The following YTHDF1 variants were observed in gnomAD, a reference collection of about 807,000 sequenced individuals.
The protein encoded by YTHDF1 is YTH domain-containing family protein 1.
In YTHDF1, 16 loss-of-function variants were observed where a neutral mutation model predicts 49.1. That is an observed-to-expected ratio of 0.33 (90% confidence interval 0.22 to 0.49). The LOEUF (loss-of-function observed/expected upper bound fraction) is 0.49. Ranked by LOEUF, YTHDF1 falls within the 20% of genes least tolerant of loss-of-function variation. The pLI is 0.99. For synonymous variants in YTHDF1, 313 were observed against 290.1 expected (o/e 1.08, Z -0.80); for missense variants, 621 against 744.3 (o/e 0.83, Z 1.93).
At chr20:63,214,547 A>T (rs2066591923) in intron 2 of YTHDF1, among the ~76,000 whole-genome samples, 1 of 152,204 alleles carries the variant, frequency 6.6e-6, no homozygotes, top group South Asian at 2.1e-4. Flanking sequence ...TATACATTTT[A>T]GGGAGACATG....
rs992455360 is a variant in YTHDF1 at position 63,203,906 on chromosome 20, A to T, written c.133-99T>A. ...TAAGCACAGGTGGAGCAAAAACAAA[A>T]CCTGCACAGCATGGGGCTACTCCTT... On this transcript the variant is annotated intron_variant, in intron 3 of 4. Transcript: ENST00000370339. The surrounding 1 kb of genome is among the most constrained non-coding windows in gnomAD (Gnocchi z 4.4). 39 of 1,137,544 alleles carry T rather than the reference A, an allele frequency of 3.4e-5. No homozygotes were observed. Among genetic ancestry groups the T allele is most frequent in the Non-Finnish European group, 4.7e-5 (38 of 814,570 alleles). The allele number at this position is 1,137,544 out of a possible 1,614,324, so 70.5% of individuals were successfully genotyped here.
At position 63,195,670 on chromosome 20, in the gene YTHDF1, G is replaced by A. The variant is rs1426232045; in HGVS notation, c.*1038C>T. On this transcript the variant is annotated 3_prime_UTR_variant, in exon 5 of 5. Coordinates refer to ENST00000370339, the MANE Select transcript of YTHDF1 (RefSeq NM_017798.4). ...GGCACGTGCAGATCCAGGCGCTGGA[G>A]CGTCAGGCATGGGCACCATTTTCAT... is the stretch of plus-strand genomic sequence containing the variant. 6.6e-6 allele frequency: 1 copy of A among 152,546 alleles called. No individual in the cohort carries two copies. The highest frequency in any genetic ancestry group is 2.4e-5 in the African/African-American group (1 of 41,440). The allele number at this position is 152,546 out of a possible 1,614,324, so 9.4% of individuals were successfully genotyped here. A position where few individuals can be genotyped will look rare whatever the true frequency, so the allele number is the denominator to read the frequency against.
intron 3 of YTHDF1, among the ~76,000 whole-genome samples, chr20:63,207,820 T>C (rs114669586): frequency 0.017 from 2,539 of 152,006 alleles, 78 homozygotes; most frequent in African/African-American, 0.058. Flanking sequence ...GTCTGATCAA[T>C]ATGGTTAAAC....
chr20:63,215,640 C>G, intron 1 of YTHDF1, 39 bp from the exon 2 acceptor site: 4 of 1,587,678 alleles, frequency 2.5e-6, no homozygotes, highest in Non-Finnish European at 2.6e-6. Context: ...TACACACAAC[C>G]CGGGGGAAGA....
intron 4 of YTHDF1, among the ~76,000 whole-genome samples, chr20:63,200,793 G>A (rs925851932): frequency 2.0e-5 from 3 of 152,028 alleles, no homozygotes; most frequent in Non-Finnish European, 4.4e-5. Flanking sequence ...AACTGTGCGC[G>A]CACACACACA....
In YTHDF1 at chr20:63,196,622, G is replaced by T. The variant is rs2066493572; in HGVS notation, c.*86C>A. On this transcript the variant is annotated 3_prime_UTR_variant, in exon 5 of 5. Coordinates refer to ENST00000370339, the MANE Select transcript of YTHDF1 (RefSeq NM_017798.4). Reference sequence around the variant, plus strand: ...GATGCAACACTCAACCCCCGCACGGGACGACACACTGGAGCTGACCAAGCA... The same window carrying T: ...GATGCAACACTCAACCCCCGCACGGTACGACACACTGGAGCTGACCAAGCA... 6.5e-7 allele frequency: 1 copy of T among 1,541,608 alleles called. No homozygotes were observed. The highest frequency in any genetic ancestry group is 8.9e-7 in the Non-Finnish European group (1 of 1,122,018).
At position 63,215,937 on chromosome 20, in the gene YTHDF1, G is replaced by C. The variant is rs554284238; in HGVS notation, c.-45C>G. ...GCGGGGCCGGGGCGCCCGCCGGCTC[G>C]GGCCTCCCCTAGAGGCCGGGCCTGT... On this transcript the variant is annotated 5_prime_UTR_variant, in exon 1 of 5. Coordinates refer to ENST00000370339, the MANE Select transcript of YTHDF1 (RefSeq NM_017798.4). 7.4e-7 allele frequency: 1 copy of C among 1,346,954 alleles called. No homozygotes were observed. Among genetic ancestry groups the C allele is most frequent in the Non-Finnish European group, 9.6e-7 (1 of 1,044,744 alleles). The allele number at this position is 1,346,954 out of a possible 1,614,324, so 83.4% of individuals were successfully genotyped here.
Position 63,196,579 on chromosome 20 carries a change from A to G in YTHDF1, c.*129T>C. 9.1e-7 allele frequency: 1 copy of G among 1,095,846 alleles called. No homozygotes were observed. Among genetic ancestry groups the G allele is most frequent in the South Asian group, 1.5e-5 (1 of 66,636 alleles). The allele number at this position is 1,095,846 out of a possible 1,614,324, so 67.9% of individuals were successfully genotyped here. On this transcript the variant is annotated 3_prime_UTR_variant, in exon 5 of 5. Coordinates refer to ENST00000370339, the MANE Select transcript of YTHDF1 (RefSeq NM_017798.4). Reference sequence around the variant, plus strand: ...ATGCAGATCCATCTGGGCAAAAATCAACGACAAGAAAGGCAAAGATGCAAC... The same window carrying G: ...ATGCAGATCCATCTGGGCAAAAATCGACGACAAGAAAGGCAAAGATGCAAC...
chr20:63,211,347 C>A lies in YTHDF1; in HGVS notation c.132+2517G>T, dbSNP rs530046614. 7.2e-5 allele frequency among the ~76,000 whole-genome samples: 11 copies of A among 152,180 alleles called. No homozygotes were observed. The South Asian group carries it at 2.3e-3, about 32-fold the overall frequency. On this transcript the variant is annotated intron_variant, in intron 3 of 4. Coordinates refer to ENST00000370339, the MANE Select transcript of YTHDF1 (RefSeq NM_017798.4). ...GGGCGTGGTGGCACATGCCTGTAGT[C>A]CTAGCTACTTGGGAGGTTGAGGTGG...
intron 4 of YTHDF1, among the ~76,000 whole-genome samples, chr20:63,201,302 G>C (rs1191024906): frequency 6.6e-6 from 1 of 152,030 alleles, no homozygotes; most frequent in Non-Finnish European, 1.5e-5. Flanking sequence ...GGTGCTCACA[G>C]GTGAATAATT....
chr20:63,215,717 G>A, intron 1 of YTHDF1, 116 bp from the exon 2 acceptor site: 1 of 1,399,710 alleles, frequency 7.1e-7, no homozygotes, highest in Non-Finnish European at 9.3e-7. Context: ...CGGCCCCGAC[G>A]CGCGGTCACG....
At position 63,206,492 on chromosome 20, in the gene YTHDF1, C is replaced by T. The variant is rs369775891; in HGVS notation, c.133-2685G>A. 3.9e-5 allele frequency among the ~76,000 whole-genome samples: 6 copies of T among 152,370 alleles called. 1 individual carries two copies. Among genetic ancestry groups the T allele is most frequent in the Admixed American group, 2.6e-4 (4 of 15,302 alleles). On this transcript the variant is annotated intron_variant, in intron 3 of 4. Transcript: ENST00000370339. ...AGCCCATAAATGACCCATCCAGCTTCCCTCTACCCAAGGTGCAGGGCCTGC... is the reference window on the plus strand; with the variant it reads ...AGCCCATAAATGACCCATCCAGCTTTCCTCTACCCAAGGTGCAGGGCCTGC...
intron 3 of YTHDF1, among the ~76,000 whole-genome samples, chr20:63,205,067 G>T (rs2066539388): frequency 6.6e-6 from 1 of 152,052 alleles, no homozygotes. Flanking sequence ...CCCGTTTTTG[G>T]ATTTTTAGTT....
chr20:63,212,898 TC>T lies in YTHDF1; in HGVS notation c.132+965del, dbSNP rs2060955888. 1.3e-5 allele frequency among the ~76,000 whole-genome samples: 2 copies of T among 152,148 alleles called. 1 individual carries two copies. Among genetic ancestry groups the T allele is most frequent in the South Asian group, 4.1e-4 (2 of 4,824 alleles). Reference sequence around the variant, plus strand: ...CAGGACAGCCCCCAAAACAGAATGTTCCCGTGCAAAATGTCCACAGTGCCAA... The same window carrying T: ...CAGGACAGCCCCCAAAACAGAATGTTCCGTGCAAAATGTCCACAGTGCCAA... On this transcript the variant is annotated intron_variant, in intron 3 of 4. Coordinates refer to ENST00000370339, the MANE Select transcript of YTHDF1 (RefSeq NM_017798.4).
intron 3 of YTHDF1, among the ~76,000 whole-genome samples, chr20:63,209,352 G>A (rs1227134701): frequency 1.3e-5 from 2 of 152,118 alleles, no homozygotes; most frequent in Non-Finnish European, 2.9e-5. Context: ...AAGCTTTAAG[G>A]TTTTTGACTC....
At chr20:63,215,447 C>T (rs967724335) in intron 2 of YTHDF1, 130 bp downstream of exon 2, 4 of 1,259,406 alleles carry the variant, frequency 3.2e-6, no homozygotes, top group African/African-American at 3.0e-5. Context: ...CGTCGCACAA[C>T]CTCAAGTTTT....
chr20:63,211,012 G>A (rs532989246), intron 3 of YTHDF1, among the ~76,000 whole-genome samples: 117 of 152,274 alleles, frequency 7.7e-4, no homozygotes, highest in Admixed American at 1.4e-3. Context: ...CCCACCACAC[G>A]GCAACAACCC....
intron 3 of YTHDF1, among the ~76,000 whole-genome samples, chr20:63,205,878 A>G (rs1458221356): frequency 1.3e-5 from 2 of 152,242 alleles, no homozygotes; most frequent in Non-Finnish European, 2.9e-5. Flanking sequence ...CTGGGGGTAT[A>G]AGAAGACAAG....
chr20:63,202,740 G>A lies in YTHDF1; in HGVS notation c.1200C>T (p.Asp400=), dbSNP rs41282994. The part of the protein sequence containing the change: ...RVFIIKSYSE[D]DIHRSIKYSI... The stretch of plus-strand genomic sequence containing the variant: ...AGTACTTAATGGAGCGGTGGATGTC[G>A]TCCTCAGAGTAGCTCTTGATGATGA... Residue 400 remains aspartate (D), a synonymous_variant, in exon 4 of 5, where the codon GAC becomes GAT. Transcript: ENST00000370339. 154,036 of 1,614,124 alleles carry A rather than the reference G, an allele frequency of 0.095. 8,142 individuals carry two copies. Among genetic ancestry groups the A allele is most frequent in the South Asian group, 0.11 (10,262 of 91,084 alleles).
Sources: gnomAD v4.1 joint callset for allele counts (sites outside exome capture counted in the v4.1 genomes callset) on GRCh38, gnomAD v4.1.1 for gene constraint, Gnocchi (gnomAD v3.1) non-coding constraint, MANE v1.5 for transcripts, NCBI Gene and HGNC (gene_info 2026-07-23, HGNC 2026-07-21) for gene names.